CTNNA3: variants seen among roughly 807,000 people sequenced by gnomAD.
The protein encoded by CTNNA3 is catenin alpha 3.
In CTNNA3, 76 loss-of-function variants were observed where a neutral mutation model predicts 95.7. The observed-to-expected ratio is 0.79, with a 90% CI of 0.66 to 0.96. The LOEUF (loss-of-function observed/expected upper bound fraction) is 0.96, where lower values mean the gene tolerates loss of function less well. Ranked by LOEUF, CTNNA3 falls within the 40% of genes least tolerant of loss-of-function variation. The pLI is 0.00. For synonymous variants in CTNNA3, 431 were observed against 374.4 expected (o/e 1.15, Z -1.74); for missense variants, 1,191 against 1,089.8 (o/e 1.09, Z -1.31).
intron 5 of CTNNA3, among the ~76,000 whole-genome samples, chr10:67,230,105 T>A (rs867205542): frequency 6.6e-6 from 1 of 152,158 alleles, no homozygotes; most frequent in African/African-American, 2.4e-5. Flanking sequence ...AACAGAGTGG[T>A]ACTGGTATAA....
chr10:65,959,970 A>G (rs943990272), intron 17 of CTNNA3, among the ~76,000 whole-genome samples: 12 of 152,172 alleles, frequency 7.9e-5, no homozygotes, highest in Non-Finnish European at 1.8e-4. Flanking sequence ...TCTGTTCATG[A>G]TCTCAAAAAC....
intron 9 of CTNNA3, among the ~76,000 whole-genome samples, chr10:66,693,942 T>C (rs1162606700): frequency 6.6e-6 from 1 of 151,680 alleles, no homozygotes; most frequent in Non-Finnish European, 1.5e-5. Context: ...TACCAGAATC[T>C]CTGGGACACA....
At chr10:66,346,232 TATATATATATATATAGAGAGAGAGAG>T (rs1343299105) in intron 12 of CTNNA3, among the ~76,000 whole-genome samples, 3,083 of 60,994 alleles carry the variant, frequency 0.051, 37 homozygotes, top group East Asian at 0.084. Flanking sequence ...TATATATATA[TATATATATATATATAGAGAGAGAGAG>T]AGAGAGAGAG....
chr10:66,043,225 G>C (rs1370804812), intron 15 of CTNNA3, among the ~76,000 whole-genome samples: 1 of 149,698 alleles, frequency 6.7e-6, no homozygotes, highest in East Asian at 2.0e-4. Flanking sequence ...GCTAAGAAAA[G>C]GACATGTGGG....
chr10:67,031,389 G>C (rs540217034), intron 7 of CTNNA3, among the ~76,000 whole-genome samples: 1 of 152,096 alleles, frequency 6.6e-6, no homozygotes, highest in Non-Finnish European at 1.5e-5. Flanking sequence ...ATCATTCTTC[G>C]TCTTCACTTC....
At chr10:66,671,152 C>T (rs966806845) in intron 9 of CTNNA3, among the ~76,000 whole-genome samples, 2 of 152,112 alleles carry the variant, frequency 1.3e-5, no homozygotes, top group Admixed American at 1.3e-4. Context: ...TCAATTATTC[C>T]TAAGTATTTA....
intron 7 of CTNNA3, among the ~76,000 whole-genome samples, chr10:66,844,063 A>T (rs1184860930): frequency 6.6e-6 from 1 of 152,224 alleles, no homozygotes; most frequent in African/African-American, 2.4e-5. Flanking sequence ...CCAAGCTTGT[A>T]TAGCTGGCTA....
chr10:66,331,349 T>C (rs1246930715), intron 12 of CTNNA3, among the ~76,000 whole-genome samples: 1,158 of 86,140 alleles, frequency 0.013, 120 homozygotes, highest in African/African-American at 0.049. Context: ...TTTGTTTTTT[T>C]TTTTTTTTTT....
intron 2 of CTNNA3, among the ~76,000 whole-genome samples, chr10:67,609,090 C>CAAAAAAAAAAAAAAAAAAAAAAAA (rs397977100): frequency 1.3e-5 from 1 of 79,688 alleles, no homozygotes. Context: ...AACTCTATCT[C>CAAAAAAAAAAAAAAAAAAAAAAAA]AAAAAAAAAA....
chr10:67,432,483 G>A (rs1171997112), intron 5 of CTNNA3, among the ~76,000 whole-genome samples: 1 of 151,998 alleles, frequency 6.6e-6, no homozygotes, highest in Non-Finnish European at 1.5e-5. Context: ...CTGTAAGAGA[G>A]AATCTCTTCT....
intron 12 of CTNNA3, among the ~76,000 whole-genome samples, chr10:66,315,335 G>T (rs1267594807): frequency 1.3e-5 from 2 of 152,006 alleles, no homozygotes; most frequent in African/African-American, 4.8e-5. Context: ...GACCAGAGAT[G>T]TAAGACAGAT....
At chr10:66,504,236 A>G (rs552098451) in intron 11 of CTNNA3, among the ~76,000 whole-genome samples, 2 of 152,210 alleles carry the variant, frequency 1.3e-5, no homozygotes, top group East Asian at 3.9e-4. Context: ...CTTGGTAACC[A>G]CTATTCTACT....
At chr10:67,335,598 T>C (rs950612673) in intron 5 of CTNNA3, among the ~76,000 whole-genome samples, 2 of 152,230 alleles carry the variant, frequency 1.3e-5, no homozygotes, top group African/African-American at 2.4e-5. Flanking sequence ...TTGTTTTTAT[T>C]AATCTTTCTT....
intron 5 of CTNNA3, among the ~76,000 whole-genome samples, chr10:67,407,617 A>T (rs758844516): frequency 6.6e-6 from 1 of 152,232 alleles, no homozygotes; most frequent in Non-Finnish European, 1.5e-5. Flanking sequence ...GAAAGGAAGA[A>T]GTCAAACTCT....
intron 11 of CTNNA3, among the ~76,000 whole-genome samples, chr10:66,515,058 A>G (rs1840790691): frequency 6.6e-6 from 1 of 152,112 alleles, no homozygotes; most frequent in African/African-American, 2.4e-5. Context: ...CTAAAACATA[A>G]TTATAAGCAA....
chr10:67,698,318 G>GT (rs1841004999), upstream of CTNNA3, among the ~76,000 whole-genome samples: 1 of 151,582 alleles, frequency 6.6e-6, no homozygotes, highest in Non-Finnish European at 1.5e-5. Flanking sequence ...TCAAAAGTAA[G>GT]TTTTTTCGTT....
chr10:66,179,734 C>T (rs6480143), intron 13 of CTNNA3, among the ~76,000 whole-genome samples: 125,758 of 151,918 alleles, frequency 0.83, 52,176 homozygotes, highest in South Asian at 0.92. Flanking sequence ...GAAACTTATA[C>T]TGCTGTGGTA....
intron 7 of CTNNA3, among the ~76,000 whole-genome samples, chr10:67,125,213 A>G (rs577154348): frequency 6.6e-6 from 1 of 152,316 alleles, no homozygotes; most frequent in African/African-American, 2.4e-5. Flanking sequence ...CAAAACAACC[A>G]CAGTTGAAAG....
intron 5 of CTNNA3, among the ~76,000 whole-genome samples, chr10:67,296,124 A>C (rs1329327348): frequency 6.6e-6 from 1 of 152,234 alleles, no homozygotes; most frequent in East Asian, 1.9e-4. Flanking sequence ...TTTTTAACCC[A>C]AAATTTATAT....
Sources: gnomAD v4.1 joint callset for allele counts (sites outside exome capture counted in the v4.1 genomes callset) on GRCh38, gnomAD v4.1.1 for gene constraint, MANE v1.5 for transcripts, NCBI Gene and HGNC (gene_info 2026-07-23, HGNC 2026-07-21) for gene names.